The following UBE2L6 variants were observed in gnomAD, a reference collection of about 807,000 sequenced individuals.
UBE2L6 encodes the protein ubiquitin/ISG15-conjugating enzyme E2 L6.
A neutral mutation model predicts 13.6 loss-of-function variants in UBE2L6; 11 were observed. The ratio of observed to expected loss-of-function variants is 0.81; its 90% CI spans 0.51 to 1.34. UBE2L6 has a LOEUF of 1.34. Ranked by LOEUF, UBE2L6 falls within the 40% of genes most tolerant of loss-of-function variation. The pLI is 0.00. For missense variants in UBE2L6, 197 were observed against 199.5 expected (o/e 0.99, Z 0.07); for synonymous variants, 74 against 83.2 (o/e 0.89, Z 0.60).
chr11:57,565,267 G>A (rs1263469206), intron 1 of UBE2L6, among the ~76,000 whole-genome samples: 1 of 151,168 alleles, frequency 6.6e-6, no homozygotes, highest in Non-Finnish European at 1.5e-5. Flanking sequence ...GGAAAGAAAG[G>A]GAGAGAGAAA....
chr11:57,567,755 C>A, upstream of UBE2L6: 1 of 987,404 alleles, frequency 1.0e-6, no homozygotes, highest in Non-Finnish European at 1.4e-6. Flanking sequence ...TGGGCCTCCC[C>A]GCACCCGCTC....
intron 2 of UBE2L6, 28 bp from the exon 3 acceptor site, chr11:57,554,651 C>G (rs1191214592): frequency 1.2e-6 from 2 of 1,613,080 alleles, no homozygotes; most frequent in East Asian, 4.5e-5. Flanking sequence ...GGGTCAAGCT[C>G]CAGTCTGGTT....
At chr11:57,560,530 G>A (rs1013707044) in intron 1 of UBE2L6, 98 bp from the exon 2 acceptor site, 6 of 851,096 alleles carry the variant, frequency 7.0e-6, no homozygotes, top group Non-Finnish European at 1.2e-5. Context: ...TTCAAAACTG[G>A]CCATCTTAGG....
intron 1 of UBE2L6, among the ~76,000 whole-genome samples, chr11:57,563,439 C>T (rs1336152071): frequency 6.7e-6 from 1 of 148,226 alleles, no homozygotes; most frequent in Non-Finnish European, 1.5e-5. Flanking sequence ...CGAGAGCATG[C>T]CATTGCACTC....
At position 57,554,513 on chromosome 11, in the gene UBE2L6, G is replaced by T; in HGVS notation, c.234C>A (p.Asn78Lys). ...IKFTTKIYHP[N>K]VDENGQICLP... ...GGCAAATCTGTCCGTTCTCGTCCAC[G>T]TTGGGGTGGTAGATCTTGGTTGTGA... is the stretch of plus-strand genomic sequence containing the variant. The change falls in exon 3 of 4, where the codon AAC (asparagine) becomes AAA (lysine). Residue 78 changes from asparagine (N) to lysine (K), a missense_variant. Physicochemically the swap from Asn to Lys is moderately conservative, Grantham distance 94. Transcript: ENST00000287156. 1.9e-6 allele frequency: 3 copies of T among 1,614,174 alleles called. No individual in the cohort carries two copies. Among genetic ancestry groups the T allele is most frequent in the Non-Finnish European group, 2.5e-6 (3 of 1,180,028 alleles).
At chr11:57,565,327 G>A (rs912444199) in intron 1 of UBE2L6, among the ~76,000 whole-genome samples, 1 of 147,196 alleles carries the variant, frequency 6.8e-6, no homozygotes, top group Non-Finnish European at 1.5e-5. Flanking sequence ...GCGGAAAGAC[G>A]AAGTTAAAGT....
chr11:57,551,972 G>T lies in UBE2L6; in HGVS notation c.*386C>A. 1 of 198,904 alleles carries T rather than the reference G, an allele frequency of 5.0e-6. No homozygotes were observed. 12.3% of individuals were successfully genotyped at this position (198,904 alleles called of 1,614,324 possible). ...CACCCATATGCTCCACTGTCCCCAG[G>T]CCCTCAGTGCCTGAGCCCTAGGGGG... On this transcript the variant is annotated 3_prime_UTR_variant, in exon 4 of 4. Coordinates refer to ENST00000287156, the MANE Select transcript of UBE2L6 (RefSeq NM_004223.5).
At chr11:57,560,473 C>A (rs755412899) in intron 1 of UBE2L6, 41 bp from the exon 2 acceptor site, 71 of 1,481,870 alleles carry the variant, frequency 4.8e-5, no homozygotes, top group Non-Finnish European at 6.3e-5. Context: ...GCCTAGTCCT[C>A]CTTATTTCAG....
At chr11:57,567,910 C>A, upstream of UBE2L6, 1 of 356,004 alleles carries the variant, frequency 2.8e-6, no homozygotes, top group East Asian at 4.7e-5. Flanking sequence ...CCCTGCCTCC[C>A]GCGGGGTGCG....
intron 1 of UBE2L6, among the ~76,000 whole-genome samples, chr11:57,562,664 G>A (rs974797089): frequency 7.2e-5 from 11 of 152,152 alleles, no homozygotes; most frequent in African/African-American, 2.7e-4. Context: ...AGAAAGTAAG[G>A]GAAGAAAATG....
intron 1 of UBE2L6, among the ~76,000 whole-genome samples, chr11:57,562,444 A>T (rs1267701532): frequency 6.6e-6 from 1 of 152,234 alleles, no homozygotes. Flanking sequence ...TGGCTTCACC[A>T]CCTGCTGATT....
At chr11:57,566,453 C>T (rs1945093406) in intron 1 of UBE2L6, among the ~76,000 whole-genome samples, 1 of 152,246 alleles carries the variant, frequency 6.6e-6, no homozygotes, top group South Asian at 2.1e-4. Flanking sequence ...TCAATTTCCT[C>T]ATTTGTAAAA....
rs374599587 is a variant in UBE2L6 at position 57,560,016 on chromosome 11, AG to A, written c.123+320del. On this transcript the variant is annotated intron_variant, in intron 2 of 3. Coordinates refer to ENST00000287156, the MANE Select transcript of UBE2L6 (RefSeq NM_004223.5). ...GAAGTTTATCCCTACCCCTTGACAA[AG>A]GTCCAAGAAATCTTTATTTCTTCTT... is the stretch of plus-strand genomic sequence containing the variant. 2.0e-3 allele frequency among the ~76,000 whole-genome samples: 300 copies of A among 152,266 alleles called. 2 individuals are homozygous for A. The highest frequency in any genetic ancestry group is 6.9e-3 in the African/African-American group (285 of 41,554).
chr11:57,560,659 T>C (rs536916671), intron 1 of UBE2L6: 55 of 404,870 alleles, frequency 1.4e-4, no homozygotes, highest in East Asian at 2.9e-4. Context: ...CTCGCTCTGT[T>C]GCCCAGGCTG....
chr11:57,567,638 G>T lies in UBE2L6; in HGVS notation c.-27C>A, dbSNP rs1434700576. 2.5e-6 allele frequency: 4 copies of T among 1,603,402 alleles called. No individual in the cohort carries two copies. Among genetic ancestry groups the T allele is most frequent in the South Asian group, 1.1e-5 (1 of 88,644 alleles). ...TCGGGACCGAGTGTGTGGCACCCGT[G>T]GCCTCCAGCAGGACCGAGCTCCGAC... On this transcript the variant is annotated 5_prime_UTR_variant, in exon 1 of 4. Transcript: ENST00000287156.
rs191865630 is a variant in UBE2L6, at chr11:57,554,042, T to C, written c.310+395A>G. Among the ~76,000 whole-genome samples, 270 of 152,258 alleles carry C rather than the reference T, an allele frequency of 1.8e-3. 1 individual carries two copies. Among genetic ancestry groups the C allele is most frequent in the Middle Eastern group, 0.01 (3 of 294 alleles). ...GATGTTTTTAGCACAGTGCCGAAAG[T>C]GCTCAGTCAAGTGACAGGTATTATC... On this transcript the variant is annotated intron_variant, in intron 3 of 3. Coordinates refer to ENST00000287156, the MANE Select transcript of UBE2L6 (RefSeq NM_004223.5).
intron 1 of UBE2L6, among the ~76,000 whole-genome samples, chr11:57,563,259 G>A (rs1945060705): frequency 6.6e-6 from 1 of 151,946 alleles, no homozygotes; most frequent in Non-Finnish European, 1.5e-5. Flanking sequence ...GGAGGCCGAG[G>A]CAGTCAGATC....
chr11:57,554,848 G>C (rs929089748), intron 2 of UBE2L6, among the ~76,000 whole-genome samples: 1 of 152,226 alleles, frequency 6.6e-6, no homozygotes, highest in Non-Finnish European at 1.5e-5. Flanking sequence ...GGCTTTTGCT[G>C]TGTGACCACG....
chr11:57,552,394 C>G lies in UBE2L6; in HGVS notation c.426G>C (p.Glu142Asp). 4.3e-6 allele frequency: 7 copies of G among 1,614,176 alleles called. No homozygotes were observed. The highest frequency in any genetic ancestry group is 5.9e-6 in the Non-Finnish European group (7 of 1,180,026). The change falls in exon 4 of 4, where the codon GAG (glutamate) becomes GAC (aspartate). Residue 142 changes from glutamate (E) to aspartate (D), a missense_variant. By Grantham distance (45) the Glu-to-Asp change is conservative. Coordinates refer to ENST00000287156, the MANE Select transcript of UBE2L6 (RefSeq NM_004223.5). Reference sequence around the variant, plus strand: ...GGTCCACTCCGAATCGGAGGGTGAACTCTTCGGCATTCTTTCTGAACAGCT... The same window carrying G: ...GGTCCACTCCGAATCGGAGGGTGAAGTCTTCGGCATTCTTTCTGAACAGCT... ...NPELFRKNAE[E>D]FTLRFGVDRP...
Sources: allele counts gnomAD v4.1 joint callset (sites outside exome capture counted in the v4.1 genomes callset), GRCh38; gene constraint gnomAD v4.1.1; transcripts MANE v1.5; gene names NCBI Gene and HGNC (gene_info 2026-07-23, HGNC 2026-07-21).